Variants in SNTG2 observed in about 807,000 individuals in gnomAD.
SNTG2 encodes syntrophin gamma 2, also known as gamma-2-syntrophin.
SNTG2 carries 74 observed loss-of-function variants against 70.9 expected under a neutral mutation model. The ratio of observed to expected loss-of-function variants is 1.04; its 90% CI spans 0.86 to 1.27. The LOEUF (loss-of-function observed/expected upper bound fraction) is 1.27, where lower values mean the gene tolerates loss of function less well. Ranked by LOEUF, SNTG2 falls within the 50% of genes most tolerant of loss-of-function variation. The pLI, the probability that SNTG2 is intolerant of heterozygous loss-of-function variation, is 0.00. For synonymous variants in SNTG2, 278 were observed against 273.8 expected (o/e 1.02, Z -0.15); for missense variants, 717 against 690.7 (o/e 1.04, Z -0.43).
intron 1 of SNTG2, among the ~76,000 whole-genome samples, chr2:985,128 G>A (rs771671769): frequency 5.3e-4 from 81 of 151,968 alleles, no homozygotes; most frequent in Non-Finnish European, 1.0e-3. Flanking sequence ...CTCATTCTTA[G>A]ACATAATGTG....
chr2:1,080,490 G>A (rs1414871636), intron 1 of SNTG2, among the ~76,000 whole-genome samples: 2 of 152,192 alleles, frequency 1.3e-5, no homozygotes, highest in African/African-American at 2.4e-5. Context: ...CTATGTGTAT[G>A]TGTGTGCATG....
chr2:1,364,568 A>G (rs1287008769), intron 16 of SNTG2, among the ~76,000 whole-genome samples: 11 of 147,106 alleles, frequency 7.5e-5, no homozygotes. Context: ...CATCCTGGCT[A>G]ACACATGAAA....
At chr2:1,364,859 G>A (rs1661394411) in intron 16 of SNTG2, among the ~76,000 whole-genome samples, 1 of 152,048 alleles carries the variant, frequency 6.6e-6, no homozygotes, top group South Asian at 2.1e-4. Context: ...GCAGTGAGTG[G>A]AGGTTGTGCC....
At position 1,223,819 on chromosome 2, in the gene SNTG2, C is replaced by T. The variant is rs79377189; in HGVS notation, c.720-14069C>T. 3.9e-3 allele frequency among the ~76,000 whole-genome samples: 557 copies of T among 142,392 alleles called. 7 individuals are homozygous for T. Among genetic ancestry groups the T allele is most frequent in the African/African-American group, 0.013 (530 of 39,976 alleles). 93.4% of individuals were successfully genotyped at this position (142,392 alleles called of 152,430 possible). On this transcript the variant is annotated intron_variant, in intron 9 of 16. Coordinates refer to ENST00000308624, the MANE Select transcript of SNTG2 (RefSeq NM_018968.4). The stretch of plus-strand genomic sequence containing the variant: ...TTTAGTCAGTGTGGGCTGCCATAGC[C>T]CAGTTCCACAGATGGGTGACCTTAG...
chr2:1,054,353 G>A (rs188398758), intron 1 of SNTG2, among the ~76,000 whole-genome samples: 1 of 152,250 alleles, frequency 6.6e-6, no homozygotes, highest in African/African-American at 2.4e-5. Flanking sequence ...TTCGTGCCAA[G>A]GAATTGGTTA....
chr2:1,331,174 C>A (rs1659511338), intron 16 of SNTG2, among the ~76,000 whole-genome samples: 1 of 152,216 alleles, frequency 6.6e-6, no homozygotes, highest in Non-Finnish European at 1.5e-5. Context: ...CCTAGAGCAC[C>A]CATGAGGGTC....
intron 14 of SNTG2, among the ~76,000 whole-genome samples, chr2:1,300,378 G>A (rs770541114): frequency 4.6e-5 from 7 of 152,206 alleles, no homozygotes; most frequent in Admixed American, 1.3e-4. Context: ...GTCTGCTTTA[G>A]GCCGAAGAAA....
chr2:1,331,136 G>C (rs1427579463), intron 16 of SNTG2, among the ~76,000 whole-genome samples: 1 of 152,208 alleles, frequency 6.6e-6, no homozygotes, highest in Non-Finnish European at 1.5e-5. Flanking sequence ...TCGTGTCCTG[G>C]ACAACATTGC....
chr2:1,299,676 C>T (rs1006358557), intron 14 of SNTG2, among the ~76,000 whole-genome samples: 1 of 152,176 alleles, frequency 6.6e-6, no homozygotes, highest in Non-Finnish European at 1.5e-5. Flanking sequence ...TGAAGCAACC[C>T]ACAAGAAACG....
chr2:1,285,784 C>A (rs1012248292), intron 14 of SNTG2, among the ~76,000 whole-genome samples: 1 of 125,762 alleles, frequency 8.0e-6, no homozygotes, highest in Admixed American at 7.5e-5. Context: ...CTCAGCAGGT[C>A]GTGTTTTTTT....
chr2:984,401 C>T (rs1045564158), intron 1 of SNTG2, among the ~76,000 whole-genome samples: 23 of 151,996 alleles, frequency 1.5e-4, no homozygotes, highest in Admixed American at 1.0e-3. Flanking sequence ...CTCAAATCTT[C>T]CAGCATGAGG....
intron 4 of SNTG2, among the ~76,000 whole-genome samples, chr2:1,135,512 G>A (rs1668322518): frequency 6.6e-6 from 1 of 152,230 alleles, no homozygotes; most frequent in Admixed American, 6.5e-5. Flanking sequence ...CTGAGGTCAG[G>A]AGTTCGAGAC....
At chr2:1,181,297 C>G (rs1490635342) in intron 8 of SNTG2, among the ~76,000 whole-genome samples, 1 of 152,106 alleles carries the variant, frequency 6.6e-6, no homozygotes, top group Non-Finnish European at 1.5e-5. Flanking sequence ...AGTGGTAATA[C>G]TAGCATTGAT....
At chr2:1,193,970 C>A (rs985641881) in intron 8 of SNTG2, among the ~76,000 whole-genome samples, 16 of 152,224 alleles carry the variant, frequency 1.1e-4, no homozygotes, top group Non-Finnish European at 2.4e-4. Flanking sequence ...CTCTGTCGGA[C>A]CTTCATCTCC....
At chr2:1,222,427 G>A (rs1056476404) in intron 9 of SNTG2, among the ~76,000 whole-genome samples, 1 of 152,254 alleles carries the variant, frequency 6.6e-6, no homozygotes, top group Admixed American at 6.5e-5. Context: ...ATCAGAGTTT[G>A]TGATGAAAAT....
chr2:1,354,299 T>G (rs1291820121), intron 16 of SNTG2, among the ~76,000 whole-genome samples: 190 of 15,990 alleles, frequency 0.012, 1 homozygote, highest in Middle Eastern at 0.05. Flanking sequence ...CTGAGCCTCA[T>G]CTGTAAAGTG....
intron 11 of SNTG2, among the ~76,000 whole-genome samples, chr2:1,243,074 T>C (rs1677153755): frequency 6.6e-6 from 1 of 152,264 alleles, no homozygotes; most frequent in Non-Finnish European, 1.5e-5. Flanking sequence ...AGCTATAACG[T>C]ATTTCTTTGC....
intron 2 of SNTG2, among the ~76,000 whole-genome samples, chr2:1,095,569 AT>A (rs1448897083): frequency 6.6e-6 from 1 of 152,074 alleles, no homozygotes; most frequent in Non-Finnish European, 1.5e-5. Flanking sequence ...ACCACAGGTG[AT>A]CAGTTTCTTG....
chr2:952,997 A>T (rs1408974529), intron 1 of SNTG2, among the ~76,000 whole-genome samples: 1 of 152,234 alleles, frequency 6.6e-6, no homozygotes, highest in African/African-American at 2.4e-5. Flanking sequence ...TTAACTAGAA[A>T]AAGATGAAAG....
Sources: gnomAD v4.1 joint callset for allele counts (sites outside exome capture counted in the v4.1 genomes callset) on GRCh38, gnomAD v4.1.1 for gene constraint, MANE v1.5 for transcripts, NCBI Gene and HGNC (gene_info 2026-07-23, HGNC 2026-07-21) for gene names.